The following FOXR1 variants were observed in gnomAD, a reference collection of about 807,000 sequenced individuals.
The protein encoded by FOXR1 is forkhead box R1.
FOXR1 carries 25 observed loss-of-function variants against 34.5 expected under a neutral mutation model. The ratio of observed to expected loss-of-function variants is 0.72; its 90% CI spans 0.53 to 1.01. The LOEUF (loss-of-function observed/expected upper bound fraction) is 1.01, where lower values mean the gene tolerates loss of function less well. Ranked by LOEUF, FOXR1 falls within the 50% of genes least tolerant of loss-of-function variation. The pLI, the probability that FOXR1 is intolerant of heterozygous loss-of-function variation, is 0.00. For synonymous variants in FOXR1, 153 were observed against 141.6 expected (o/e 1.08, Z -0.57); for missense variants, 373 against 376.2 (o/e 0.99, Z 0.07).
At chr11:118,974,355 C>A (rs1032628216) in intron 1 of FOXR1, among the ~76,000 whole-genome samples, 3 of 152,288 alleles carry the variant, frequency 2.0e-5, no homozygotes, top group African/African-American at 7.2e-5. Context: ...CAGGCACAGG[C>A]CACCACACTG....
chr11:118,976,221 G>A (rs55970513), intron 1 of FOXR1, among the ~76,000 whole-genome samples: 1 of 151,984 alleles, frequency 6.6e-6, no homozygotes, highest in African/African-American at 2.4e-5. Context: ...TTTGAAGCAA[G>A]GTCTGGCTTT....
In FOXR1 at chr11:118,971,850, C is replaced by T. The variant is rs375018169; in HGVS notation, c.-82C>T. 3,835 of 1,476,250 alleles carry T rather than the reference C, an allele frequency of 2.6e-3. 9 individuals carry two copies. The highest frequency in any genetic ancestry group is 9.2e-3 in the Middle Eastern group (54 of 5,854). 91.4% of individuals were successfully genotyped at this position (1,476,250 alleles called of 1,614,324 possible). On this transcript the variant is annotated 5_prime_UTR_variant, in exon 1 of 6. Transcript: ENST00000317011. ...TCCGCGCCGCCGCGCCTCTGCCAGC[C>T]CCGAAGGTGGACGTGAAGCTCCAAC...
At chr11:118,979,718 G>C (rs782520629) in intron 4 of FOXR1, 50 bp downstream of exon 4, 1 of 1,486,320 alleles carries the variant, frequency 6.7e-7, no homozygotes, top group East Asian at 2.3e-5. Context: ...CCAGGGCCCC[G>C]GGCTGATGCC....
At chr11:118,978,091 G>A (rs932652823) in intron 1 of FOXR1, among the ~76,000 whole-genome samples, 1 of 151,972 alleles carries the variant, frequency 6.6e-6, no homozygotes, top group Admixed American at 6.6e-5. Context: ...GGTGGCGTGC[G>A]CTTGTAGTCC....
At position 118,973,732 on chromosome 11, in the gene FOXR1, C is replaced by T. The variant is rs1184875874; in HGVS notation, c.61+1740C>T. Among the ~76,000 whole-genome samples, 8 of 142,696 alleles carry T rather than the reference C, an allele frequency of 5.6e-5. No individual in the cohort carries two copies. In the South Asian group the frequency reaches 6.7e-4, roughly 12 times the overall value. 93.6% of individuals were successfully genotyped at this position (142,696 alleles called of 152,430 possible). On this transcript the variant is annotated intron_variant, in intron 1 of 5. Transcript: ENST00000317011. ...TTTTTGTCATGGAGTCTCACTCTGTCGCCCAGGCTGGAGTACAGTAGCGCA... is the reference window on the plus strand; with the variant it reads ...TTTTTGTCATGGAGTCTCACTCTGTTGCCCAGGCTGGAGTACAGTAGCGCA...
chr11:118,979,151 A>C lies in FOXR1; in HGVS notation c.331A>C (p.Ser111Arg). Residue 111 changes from serine to arginine, a missense_variant, in exon 3 of 6, where the codon AGC becomes CGC. By Grantham distance (110) the Ser-to-Arg change is moderately radical. Coordinates refer to ENST00000317011, the MANE Select transcript of FOXR1 (RefSeq NM_181721.3). ...GGTGGAATCACTGTCCCAGTCCTCC[A>C]GCAAGCGGTCTCCCCCTCGGAAGCG... is the stretch of plus-strand genomic sequence containing the variant. The part of the protein sequence containing the change: ...AGVESLSQSS[S>R]KRSPPRKRFA... 6.4e-7 allele frequency: 1 copy of C among 1,571,684 alleles called. No individual in the cohort carries two copies. Among genetic ancestry groups the C allele is most frequent in the Non-Finnish European group, 8.6e-7 (1 of 1,162,106 alleles).
At chr11:118,972,130 C>G (rs1477732713) in intron 1 of FOXR1, 138 bp downstream of exon 1, 1 of 247,792 alleles carries the variant, frequency 4.0e-6, no homozygotes, top group Non-Finnish European at 5.8e-6. Flanking sequence ...GCGCCCCGCG[C>G]CCCCCCCCCC....
At chr11:118,981,058 TC>T in intron 5 of FOXR1, 149 bp from the exon 6 acceptor site, 6 of 777,176 alleles carry the variant, frequency 7.7e-6, no homozygotes, top group Non-Finnish European at 1.4e-5. Context: ...ACTTCTACTT[TC>T]CCTGGAGCAG....
At chr11:118,977,247 G>C (rs1022184098) in intron 1 of FOXR1, among the ~76,000 whole-genome samples, 1 of 151,972 alleles carries the variant, frequency 6.6e-6, no homozygotes, top group Admixed American at 6.6e-5. Context: ...GGCCAGGCTG[G>C]TCTCAAACTC....
At chr11:118,980,792 A>T in intron 5 of FOXR1, 64 bp downstream of exon 5, 1 of 1,488,220 alleles carries the variant, frequency 6.7e-7, no homozygotes, top group Non-Finnish European at 9.1e-7. Context: ...CCCAAGGCCA[A>T]GTGTGGAAGC....
chr11:118,973,340 A>C (rs191937941), intron 1 of FOXR1, among the ~76,000 whole-genome samples: 1 of 152,290 alleles, frequency 6.6e-6, no homozygotes, highest in African/African-American at 2.4e-5. Context: ...TAAAGTGATA[A>C]TCTGCAATGG....
At chr11:118,977,903 A>G (rs549268279) in intron 1 of FOXR1, among the ~76,000 whole-genome samples, 8 of 152,202 alleles carry the variant, frequency 5.3e-5, no homozygotes, top group African/African-American at 1.2e-4. Flanking sequence ...CCCAGGCAAC[A>G]TAGACCCTCA....
Position 118,980,604 on chromosome 11 carries a change from C to T in FOXR1, c.726C>T (p.Ala242=). ...TGCCTGTCAGCATGCAGGGCGGGGC[C>T]AGCACACGGCCTCGATCTTGCCTCT... is the stretch of plus-strand genomic sequence containing the variant. ...EKVPVSMQGG[A]STRPRSCLWK... Residue 242 remains alanine, a synonymous_variant, in exon 5 of 6, where the codon GCC becomes GCT. Transcript: ENST00000317011. 3 of 1,614,272 alleles carry T rather than the reference C, an allele frequency of 1.9e-6. No homozygotes were observed. Among genetic ancestry groups the T allele is most frequent in the Non-Finnish European group, 2.5e-6 (3 of 1,180,046 alleles).
chr11:118,971,770 A>C lies in FOXR1; in HGVS notation c.-162A>C. On this transcript the variant is annotated 5_prime_UTR_variant, in exon 1 of 6. Coordinates refer to ENST00000317011, the MANE Select transcript of FOXR1 (RefSeq NM_181721.3). ...CTCAATCCGAGCCGGCGCATTTGAG[A>C]AGGCGCCTGTGAGGGTCGCTCCTCA... The C allele has an allele frequency of 2.8e-6, 2 of 708,338 alleles. No homozygotes were observed. The highest frequency in any genetic ancestry group is 4.9e-6 in the Non-Finnish European group (2 of 408,380). 43.9% of individuals were successfully genotyped at this position (708,338 alleles called of 1,614,324 possible). A position where few individuals can be genotyped will look rare whatever the true frequency, so the allele number is the denominator to read the frequency against.
rs1941709110 is a variant in FOXR1, at chr11:118,971,969, AC to A, written c.40del (p.Leu14SerfsTer3). 25 of 1,534,182 alleles carry A rather than the reference AC, an allele frequency of 1.6e-5. No homozygotes were observed. The highest frequency in any genetic ancestry group is 2.1e-5 in the Non-Finnish European group (24 of 1,137,154). ...NELFLAFTTS[H>X]LPLAEQKLAR... ...CTCTTTCTGGCCTTCACCACATCTC[AC>A]CTCCCCTTAGCGGAGCAGAAACGTG... On this transcript the variant is annotated frameshift_variant, in exon 1 of 6. Coordinates refer to ENST00000317011, the MANE Select transcript of FOXR1 (RefSeq NM_181721.3). LOFTEE classifies it high-confidence loss of function.
Position 118,979,679 on chromosome 11 carries a change from G to A in FOXR1, c.611+11G>A, listed in dbSNP as rs781961747. 10 of 1,569,178 alleles carry A rather than the reference G, an allele frequency of 6.4e-6. No individual in the cohort carries two copies. The highest frequency in any genetic ancestry group is 7.8e-6 in the Non-Finnish European group (9 of 1,156,838). On this transcript the variant is annotated intron_variant, in intron 4 of 5. Coordinates refer to ENST00000317011, the MANE Select transcript of FOXR1 (RefSeq NM_181721.3). ...CTACAGTTTCACTCGGTATGTGCCG[G>A]GGGCCCTGCGAGGAGGGGGAAGTGG... is the stretch of plus-strand genomic sequence containing the variant.
intron 1 of FOXR1, among the ~76,000 whole-genome samples, chr11:118,976,749 C>G (rs1052787401): frequency 3.9e-5 from 6 of 152,272 alleles, no homozygotes; most frequent in African/African-American, 1.2e-4. Flanking sequence ...GCATGTTTCT[C>G]AACACTTGGT....
intron 1 of FOXR1, among the ~76,000 whole-genome samples, chr11:118,972,444 T>A (rs982051087): frequency 6.6e-6 from 1 of 152,166 alleles, no homozygotes; most frequent in Admixed American, 6.6e-5. Context: ...TCTCACCTCT[T>A]AACATATTGC....
At position 118,978,799 on chromosome 11, in the gene FOXR1, C is replaced by G; in HGVS notation, c.79C>G (p.Arg27Gly). 6.2e-7 allele frequency: 1 copy of G among 1,614,112 alleles called. No individual in the cohort carries two copies. Residue 27 changes from arginine (R) to glycine (G), a missense_variant, in exon 2 of 6, where the codon CGA becomes GGA. Arg to Gly is a moderately radical substitution (Grantham distance 125). Transcript: ENST00000317011. ...TTTGCCAGTTGCCAGGTATAAACTC[C>G]GAATTGTTAAGCCACCAAAATTACC... ...AEQKLARYKL[R>G]IVKPPKLPLE...
Sources: allele counts gnomAD v4.1 joint callset (sites outside exome capture counted in the v4.1 genomes callset), GRCh38; gene constraint gnomAD v4.1.1; transcripts MANE v1.5; gene names NCBI Gene and HGNC (gene_info 2026-07-23, HGNC 2026-07-21).